NUDT5: variants seen among roughly 807,000 people sequenced by gnomAD.
NUDT5 encodes the protein nudix hydrolase 5, also known as ADP-sugar pyrophosphatase.
A neutral mutation model predicts 34.1 loss-of-function variants in NUDT5; 21 were observed. The observed-to-expected ratio is 0.62, with a 90% CI of 0.44 to 0.89. The LOEUF is 0.89. Among genes scored for constraint, NUDT5 ranks in the 40% least tolerant of loss-of-function variants. NUDT5 has a pLI of 0.00. For synonymous variants in NUDT5, 85 were observed against 97.6 expected, an observed-to-expected ratio of 0.87 and a Z score of 0.76; for missense variants, 249 against 274.8, an observed-to-expected ratio of 0.91 and a Z score of 0.66.
At chr10:12,179,340 C>G (rs1276094441) in intron 3 of NUDT5, among the ~76,000 whole-genome samples, 2 of 152,168 alleles carry the variant, frequency 1.3e-5, no homozygotes, top group African/African-American at 4.8e-5. Context: ...AAAACTCTTG[C>G]CACCCTACAC....
At position 12,165,334 on chromosome 10, in the gene NUDT5, C is replaced by G. The variant is rs1834643154; in HGVS notation, c.*2368G>C. 1 of 982,612 alleles carries G rather than the reference C, an allele frequency of 1.0e-6. No individual in the cohort carries two copies. Among genetic ancestry groups the G allele is most frequent in the Admixed American group, 6.1e-5 (1 of 16,262 alleles). 60.9% of individuals were successfully genotyped at this position (982,612 alleles called of 1,614,324 possible). A position where few individuals can be genotyped will look rare whatever the true frequency, so the allele number is the denominator to read the frequency against. Reference sequence around the variant, plus strand: ...CTCACAGCAGCAACATGAGTGTAAACAGTAGACAATAAACTTTTATTTAAG... The same window carrying G: ...CTCACAGCAGCAACATGAGTGTAAAGAGTAGACAATAAACTTTTATTTAAG... On this transcript the variant is annotated 3_prime_UTR_variant, in exon 10 of 10. Transcript: ENST00000491614.
intron 1 of NUDT5, among the ~76,000 whole-genome samples, chr10:12,190,588 T>C (rs2131719167): frequency 6.7e-6 from 1 of 148,322 alleles, no homozygotes; most frequent in South Asian, 2.1e-4. Context: ...TGGGAGGCAG[T>C]GAGGAAAATG....
intron 5 of NUDT5, 124 bp downstream of exon 5, chr10:12,177,669 G>A (rs903579151): frequency 2.8e-6 from 2 of 726,420 alleles, no homozygotes; most frequent in African/African-American, 1.8e-5. Flanking sequence ...CTACGAAATG[G>A]TTTAGTTTTA....
intron 3 of NUDT5, chr10:12,184,593 C>A: frequency 7.1e-7 from 1 of 1,417,272 alleles, no homozygotes; most frequent in Non-Finnish European, 9.6e-7. Context: ...GTTAATTATT[C>A]TGTCACCTTA....
intron 5 of NUDT5, among the ~76,000 whole-genome samples, chr10:12,174,410 G>T (rs1245815419): frequency 6.6e-6 from 1 of 151,886 alleles, no homozygotes; most frequent in Non-Finnish European, 1.5e-5. Context: ...GGGACCACAG[G>T]TACACACCAC....
chr10:12,174,215 T>TCGGAG (rs1381998457), intron 5 of NUDT5, among the ~76,000 whole-genome samples: 1 of 151,360 alleles, frequency 6.6e-6, no homozygotes, highest in Non-Finnish European at 1.5e-5. Context: ...GTTAGGAGAA[T>TCGGAG]CGGAGCACTG....
intron 7 of NUDT5, 123 bp downstream of exon 7, chr10:12,172,642 G>A: frequency 1.5e-6 from 1 of 669,756 alleles, no homozygotes; most frequent in Non-Finnish European, 2.7e-6. Flanking sequence ...TACTGATGAA[G>A]TCTATTTGAA....
rs985173988 is a variant in NUDT5 at position 12,182,421 on chromosome 10, A to T, written c.131+2468T>A. Among the ~76,000 whole-genome samples, 1 of 152,242 alleles carries T rather than the reference A, an allele frequency of 6.6e-6. No homozygotes were observed. Among genetic ancestry groups the T allele is most frequent in the East Asian group, 1.9e-4 (1 of 5,206 alleles). On this transcript the variant is annotated intron_variant, in intron 3 of 9. Transcript: ENST00000491614. The surrounding 1 kb of genome is among the most constrained non-coding windows in gnomAD (Gnocchi z 4.3). ...CTATAAATTATACATCGTGGCATAC[A>T]GGAAAGTACAAAGACTCATTCTTCA...
chr10:12,188,196 T>C (rs1835159505), intron 1 of NUDT5, among the ~76,000 whole-genome samples: 1 of 152,100 alleles, frequency 6.6e-6, no homozygotes, highest in African/African-American at 2.4e-5. Flanking sequence ...TTCCCAACTG[T>C]CCTAAAGGAA....
At position 12,172,792 on chromosome 10, in the gene NUDT5, C is replaced by T. The variant is rs766600183; in HGVS notation, c.460G>A (p.Glu154Lys). Residue 154 changes from glutamate to lysine, a missense_variant, in exon 7 of 10, where the codon GAA (glutamate) becomes AAA (lysine). By Grantham distance (56) the Glu-to-Lys change is moderately conservative (BLOSUM62 1). Transcript: ENST00000491614. ...GGCTTTGGCTTCGGCCTTGCGTTTT[C>T]GGCATCATCTCCGTTAATGGTGACT... ...VTVTINGDDAENARPKPKPGD... is the reference protein window; with the variant it reads ...VTVTINGDDAKNARPKPKPGD... 11 of 1,614,030 alleles carry T rather than the reference C, an allele frequency of 6.8e-6. No homozygotes were observed. The highest frequency in any genetic ancestry group is 6.7e-5 in the Admixed American group (4 of 60,004).
At position 12,170,693 on chromosome 10, in the gene NUDT5, G is replaced by C; in HGVS notation, c.550+24C>G. ...GGGACGGGGAGAACTGGAGAAACTGGGTGGCGGTCTGGAGAATGCTTACCA... is the reference window on the plus strand; with the variant it reads ...GGGACGGGGAGAACTGGAGAAACTGCGTGGCGGTCTGGAGAATGCTTACCA... On this transcript the variant is annotated intron_variant, in intron 9 of 9. Transcript: ENST00000491614. This position sits in a 1 kb window ranked among gnomAD's most constrained non-coding sequence, Gnocchi z 4.9. 1 of 1,611,176 alleles carries C rather than the reference G, an allele frequency of 6.2e-7. No homozygotes were observed. The highest frequency in any genetic ancestry group is 1.1e-5 in the South Asian group (1 of 90,996).
At chr10:12,184,992 C>A in intron 2 of NUDT5, 36 bp from the exon 3 acceptor site, 1 of 1,128,580 alleles carries the variant, frequency 8.9e-7, no homozygotes, top group Non-Finnish European at 1.3e-6. Flanking sequence ...GGGAAACTTT[C>A]AAACCAAGTT....
intron 5 of NUDT5, 95 bp downstream of exon 5, chr10:12,177,698 G>T: frequency 1.1e-6 from 1 of 907,090 alleles, no homozygotes. Flanking sequence ...CACAAGGACA[G>T]ATTAAAAACT....
chr10:12,170,809 CAA>C lies in NUDT5; in HGVS notation c.497-41_497-40del, dbSNP rs1564421915. ...GTGCAAGTGAAAACAAAGCTAACGT[CAA>C]GAGCCTACCAAAACAACCCAAAATG... On this transcript the variant is annotated intron_variant, in intron 8 of 9. Coordinates refer to ENST00000491614, the MANE Select transcript of NUDT5 (RefSeq NM_014142.4). This position sits in a 1 kb window ranked among gnomAD's most constrained non-coding sequence, Gnocchi z 4.9. 1.2e-6 allele frequency: 2 copies of C among 1,613,564 alleles called. No individual in the cohort carries two copies. Among genetic ancestry groups the C allele is most frequent in the South Asian group, 2.2e-5 (2 of 91,068 alleles).
At position 12,165,455 on chromosome 10, in the gene NUDT5, C is replaced by T; in HGVS notation, c.*2247G>A. On this transcript the variant is annotated 3_prime_UTR_variant, in exon 10 of 10. Coordinates refer to ENST00000491614, the MANE Select transcript of NUDT5 (RefSeq NM_014142.4). Reference sequence around the variant, plus strand: ...AGGTTCAGTGTATTCATAAGAAGTCCACCCTGAGATGCCTGTAAAAGTCAA... The same window carrying T: ...AGGTTCAGTGTATTCATAAGAAGTCTACCCTGAGATGCCTGTAAAAGTCAA... 1.4e-6 allele frequency: 1 copy of T among 737,028 alleles called. No individual in the cohort carries two copies. Among genetic ancestry groups the T allele is most frequent in the Non-Finnish European group, 1.7e-6 (1 of 603,554 alleles). 45.7% of individuals were successfully genotyped at this position (737,028 alleles called of 1,614,324 possible).
At chr10:12,191,179 C>G (rs1316863927) in intron 1 of NUDT5, among the ~76,000 whole-genome samples, 1 of 151,928 alleles carries the variant, frequency 6.6e-6, no homozygotes, top group African/African-American at 2.4e-5. Context: ...GTCAGGAGAT[C>G]GAGACCATCC....
chr10:12,177,598 T>A (rs1834975117), intron 5 of NUDT5, among the ~76,000 whole-genome samples, 195 bp downstream of exon 5: 1 of 152,142 alleles, frequency 6.6e-6, no homozygotes, highest in Non-Finnish European at 1.5e-5. Flanking sequence ...GAGGTGGCCT[T>A]GTGTCGCCTT....
Position 12,169,263 on chromosome 10 carries a change from A to T in NUDT5, c.551-1452T>A. 1 of 1,549,220 alleles carries T rather than the reference A, an allele frequency of 6.5e-7. No homozygotes were observed. The highest frequency in any genetic ancestry group is 8.7e-7 in the Non-Finnish European group (1 of 1,144,562). ...TTTTTTCTCCCTTTTCTAAGACCAA[A>T]AGTGAAGTTAAGAAGGTGGAAGGGA... is the stretch of plus-strand genomic sequence containing the variant. On this transcript the variant is annotated intron_variant, in intron 9 of 9. Coordinates refer to ENST00000491614, the MANE Select transcript of NUDT5 (RefSeq NM_014142.4). This position sits in a 1 kb window ranked among gnomAD's most constrained non-coding sequence, Gnocchi z 4.8.
chr10:12,187,557 T>C lies in NUDT5; in HGVS notation c.-41-1225A>G, dbSNP rs186952762. Among the ~76,000 whole-genome samples the C allele has an allele frequency of 1.4e-4, 21 of 152,354 alleles. No individual in the cohort carries two copies. Among genetic ancestry groups the C allele is most frequent in the African/African-American group, 5.0e-4 (21 of 41,586 alleles). ...ACATGGTTGTTAATTCAGCTGTATA[T>C]AGAATTATAGACCCAAAGCCAGTTG... On this transcript the variant is annotated intron_variant, in intron 1 of 9. Transcript: ENST00000491614. This position sits in a 1 kb window ranked among gnomAD's most constrained non-coding sequence, Gnocchi z 5.4.
Sources: gnomAD v4.1 joint callset for allele counts (sites outside exome capture counted in the v4.1 genomes callset) on GRCh38, gnomAD v4.1.1 for gene constraint, Gnocchi (gnomAD v3.1) non-coding constraint, MANE v1.5 for transcripts, NCBI Gene and HGNC (gene_info 2026-07-23, HGNC 2026-07-21) for gene names.